Variants in NKAIN2 observed in about 807,000 individuals in gnomAD.
NKAIN2 encodes the protein sodium/potassium-transporting ATPase subunit beta-1-interacting protein 2.
In NKAIN2, 14 loss-of-function variants were observed where a neutral mutation model predicts 32.6. The ratio of observed to expected loss-of-function variants is 0.43; its 90% CI spans 0.28 to 0.67. NKAIN2 has a LOEUF of 0.67. Ranked by LOEUF, NKAIN2 falls within the 30% of genes least tolerant of loss-of-function variation. The pLI, the probability that NKAIN2 is intolerant of heterozygous loss-of-function variation, is 0.17. For synonymous variants in NKAIN2, 80 were observed against 87.2 expected (o/e 0.92, Z 0.46); for missense variants, 198 against 258.3 (o/e 0.77, Z 1.60).
chr6:124,744,047 C>T (rs1314862583), intron 4 of NKAIN2, among the ~76,000 whole-genome samples: 1 of 151,680 alleles, frequency 6.6e-6, no homozygotes, highest in African/African-American at 2.4e-5. Context: ...ACATAAAAAG[C>T]AAGTTATAGT....
At chr6:124,558,835 G>A (rs959441189) in intron 3 of NKAIN2, among the ~76,000 whole-genome samples, 1 of 152,144 alleles carries the variant, frequency 6.6e-6, no homozygotes, top group Non-Finnish European at 1.5e-5. Flanking sequence ...TGTAATCCCA[G>A]CTACCCGGGA....
At chr6:124,226,746 G>A (rs1448756362) in intron 1 of NKAIN2, among the ~76,000 whole-genome samples, 1 of 152,098 alleles carries the variant, frequency 6.6e-6, no homozygotes, top group East Asian at 1.9e-4. Flanking sequence ...CCACAAGAAT[G>A]TGCAGTGTCA....
At chr6:124,073,986 T>C (rs1783577896) in intron 1 of NKAIN2, among the ~76,000 whole-genome samples, 1 of 152,194 alleles carries the variant, frequency 6.6e-6, no homozygotes, top group South Asian at 2.1e-4. Context: ...GACATAGGAT[T>C]CAGCATTTAA....
intron 4 of NKAIN2, among the ~76,000 whole-genome samples, chr6:124,682,574 G>A (rs1035503101): frequency 2.6e-5 from 4 of 152,126 alleles, no homozygotes; most frequent in Admixed American, 6.6e-5. Flanking sequence ...AAAAAGAATT[G>A]TATAAGTAAA....
At chr6:123,911,159 A>G (rs759138881) in intron 1 of NKAIN2, among the ~76,000 whole-genome samples, 6 of 152,108 alleles carry the variant, frequency 3.9e-5, no homozygotes, top group Non-Finnish European at 8.8e-5. Flanking sequence ...ACTTTTTTAA[A>G]AACTGAAATT....
intron 1 of NKAIN2, among the ~76,000 whole-genome samples, chr6:123,982,526 T>C (rs1404798839): frequency 1.3e-5 from 2 of 151,958 alleles, no homozygotes; most frequent in Non-Finnish European, 2.9e-5. Flanking sequence ...CTTTGTGTGA[T>C]TTTAGTGCAT....
At chr6:124,624,839 G>C (rs1189501049) in intron 3 of NKAIN2, among the ~76,000 whole-genome samples, 2 of 152,032 alleles carry the variant, frequency 1.3e-5, no homozygotes, top group Non-Finnish European at 2.9e-5. Flanking sequence ...AATATCGCTT[G>C]AGCAAATGGT....
chr6:124,085,043 T>A (rs183472702), intron 1 of NKAIN2, among the ~76,000 whole-genome samples: 1 of 152,126 alleles, frequency 6.6e-6, no homozygotes, highest in East Asian at 1.9e-4. Context: ...TATAAGTGAA[T>A]AACAAATGCT....
At chr6:124,699,600 T>C (rs919641909) in intron 4 of NKAIN2, among the ~76,000 whole-genome samples, 3 of 152,086 alleles carry the variant, frequency 2.0e-5, no homozygotes, top group East Asian at 3.9e-4. Flanking sequence ...TCTGGTTTTT[T>C]AAAAGTGTGG....
At chr6:123,807,433 T>C (rs924117611) in intron 1 of NKAIN2, among the ~76,000 whole-genome samples, 1 of 152,130 alleles carries the variant, frequency 6.6e-6, no homozygotes, top group Non-Finnish European at 1.5e-5. Context: ...CTGTCCTTAA[T>C]ACTCAGAAAC....
At chr6:124,594,382 G>A (rs974758333) in intron 3 of NKAIN2, among the ~76,000 whole-genome samples, 1 of 152,142 alleles carries the variant, frequency 6.6e-6, no homozygotes, top group African/African-American at 2.4e-5. Flanking sequence ...AAATTCAGGG[G>A]ACATCCACAG....
At chr6:124,773,096 G>A (rs2114764280) in intron 4 of NKAIN2, among the ~76,000 whole-genome samples, 1 of 152,306 alleles carries the variant, frequency 6.6e-6, no homozygotes, top group Non-Finnish European at 1.5e-5. Context: ...AGTGGTGTTG[G>A]AACTTGGCCA....
At position 123,845,335 on chromosome 6, in the gene NKAIN2, G is replaced by A. The variant is rs75381863; in HGVS notation, c.54+41081G>A. On this transcript the variant is annotated intron_variant, in intron 1 of 6. Transcript: ENST00000368417. ...ACAAGTCTTTTGACATAAATAAAAT[G>A]TAATAACTTTCAAACATTTCATAGG... 4.2e-3 allele frequency among the ~76,000 whole-genome samples: 644 copies of A among 152,278 alleles called. 3 individuals are homozygous for A. Among genetic ancestry groups the A allele is most frequent in the African/African-American group, 0.015 (613 of 41,572 alleles).
At chr6:124,435,646 G>A (rs571812250) in intron 3 of NKAIN2, among the ~76,000 whole-genome samples, 6 of 152,204 alleles carry the variant, frequency 3.9e-5, no homozygotes, top group South Asian at 4.1e-4. Context: ...GCTCGTGTTC[G>A]TATTAGGAGA....
At chr6:124,192,368 G>A (rs996263015) in intron 1 of NKAIN2, among the ~76,000 whole-genome samples, 17 of 152,148 alleles carry the variant, frequency 1.1e-4, no homozygotes, top group South Asian at 6.2e-4. Flanking sequence ...TTATTTAGTG[G>A]CATGTTATTT....
At chr6:124,304,875 C>T (rs753048182) in intron 2 of NKAIN2, among the ~76,000 whole-genome samples, 2 of 152,082 alleles carry the variant, frequency 1.3e-5, no homozygotes, top group African/African-American at 4.8e-5. Flanking sequence ...GATCATGCCA[C>T]TGCACTCCAG....
chr6:124,583,483 T>C (rs1781598012), intron 3 of NKAIN2, among the ~76,000 whole-genome samples: 2 of 151,934 alleles, frequency 1.3e-5, no homozygotes, highest in South Asian at 2.1e-4. Flanking sequence ...AATACAAAAA[T>C]CAAAAGATAT....
intron 3 of NKAIN2, among the ~76,000 whole-genome samples, chr6:124,559,657 A>T (rs576873874): frequency 6.6e-6 from 1 of 152,216 alleles, no homozygotes; most frequent in Admixed American, 6.5e-5. Flanking sequence ...ATCTCTAGGC[A>T]GAACTTTTAA....
At chr6:123,836,084 A>G (rs1468039868) in intron 1 of NKAIN2, among the ~76,000 whole-genome samples, 2 of 152,134 alleles carry the variant, frequency 1.3e-5, no homozygotes, top group African/African-American at 2.4e-5. Flanking sequence ...ACAAATATCC[A>G]TGAGTTCATA....
Sources: allele counts gnomAD v4.1 joint callset (sites outside exome capture counted in the v4.1 genomes callset), GRCh38; gene constraint gnomAD v4.1.1; transcripts MANE v1.5; gene names NCBI Gene and HGNC (gene_info 2026-07-23, HGNC 2026-07-21).